The following COL5A2 variants were observed in gnomAD, a reference collection of about 807,000 sequenced individuals.
The protein encoded by COL5A2 is collagen type V alpha 2 chain.
A neutral mutation model predicts 208.2 loss-of-function variants in COL5A2; 23 were observed. That is an observed-to-expected ratio of 0.11 (90% CI 0.08 to 0.16). The LOEUF (loss-of-function observed/expected upper bound fraction) is 0.16. Ranked by LOEUF, COL5A2 falls within the 10% of genes least tolerant of loss-of-function variation. The probability of loss-of-function intolerance (pLI) is 1.00; values close to 1 mark genes in which losing one functional copy is unlikely to be tolerated. For missense variants in COL5A2, 1,590 were observed against 1,956.4 expected, an observed-to-expected ratio of 0.81 and a Z score of 3.53; for synonymous variants, 625 against 628.5, an observed-to-expected ratio of 0.99 and a Z score of 0.08.
the COL5A2 span, among the ~76,000 whole-genome samples, chr2:189,432,566 T>C: frequency 6.6e-6 from 1 of 151,814 alleles, no homozygotes; most frequent in East Asian, 1.9e-4. Flanking sequence ...AACCAACAAA[T>C]ATTAAAAGAG....
chr2:189,095,274 C>T (rs976301367), intron 6 of COL5A2: 3 of 152,020 alleles, frequency 2.0e-5, no homozygotes, highest in Admixed American at 2.0e-4. Flanking sequence ...TACATCATGC[C>T]CATCATTTCA....
At chr2:189,296,186 A>C in the COL5A2 span, among the ~76,000 whole-genome samples, 1 of 152,032 alleles carries the variant, frequency 6.6e-6, no homozygotes, top group East Asian at 1.9e-4. Flanking sequence ...TTAGCCAAAA[A>C]TTTTGCTGCT....
the COL5A2 span, among the ~76,000 whole-genome samples, chr2:189,430,973 G>C: frequency 0.028 from 4,209 of 152,272 alleles, 165 homozygotes; most frequent in East Asian, 0.17. Context: ...AAAGATTCCA[G>C]AGGAAGGATC....
chr2:189,128,647 T>A (rs1687653682), intron 1 of COL5A2, among the ~76,000 whole-genome samples: 1 of 151,970 alleles, frequency 6.6e-6, no homozygotes, highest in Non-Finnish European at 1.5e-5. Flanking sequence ...GAAACTTGTA[T>A]TTTTTAGAAG....
At chr2:189,314,802 C>T in the COL5A2 span, among the ~76,000 whole-genome samples, 9 of 152,160 alleles carry the variant, frequency 5.9e-5, no homozygotes, top group African/African-American at 2.2e-4. Flanking sequence ...ATTATGAACA[C>T]CTCTATGCAC....
At chr2:189,389,576 T>C in the COL5A2 span, among the ~76,000 whole-genome samples, 1 of 152,292 alleles carries the variant, frequency 6.6e-6, no homozygotes, top group Admixed American at 6.5e-5. Context: ...GTAGAATCAC[T>C]CCATAAATTT....
At chr2:189,122,445 G>C (rs1331942396) in intron 1 of COL5A2, among the ~76,000 whole-genome samples, 1 of 151,984 alleles carries the variant, frequency 6.6e-6, no homozygotes. Context: ...CTTCAGGAGG[G>C]GATGGTTTAA....
the COL5A2 span, among the ~76,000 whole-genome samples, chr2:189,389,751 C>A: frequency 6.6e-6 from 1 of 152,168 alleles, no homozygotes; most frequent in Non-Finnish European, 1.5e-5. Flanking sequence ...AACATGGTTT[C>A]TCTCATTAAT....
chr2:189,218,728 A>C (rs1689309502), intron 1 of COL5A2, among the ~76,000 whole-genome samples: 1 of 152,216 alleles, frequency 6.6e-6, no homozygotes, highest in Non-Finnish European at 1.5e-5. Context: ...TCTTCCAGTC[A>C]TCAGCTGTGT....
the COL5A2 span, among the ~76,000 whole-genome samples, chr2:189,292,580 C>A: frequency 6.6e-6 from 1 of 152,134 alleles, no homozygotes; most frequent in African/African-American, 2.4e-5. Flanking sequence ...GATAGAATGG[C>A]AATCATTAAA....
At chr2:189,228,128 AAC>A (rs1350892970), upstream of COL5A2, among the ~76,000 whole-genome samples, 4 of 152,004 alleles carry the variant, frequency 2.6e-5, no homozygotes, top group Non-Finnish European at 4.4e-5. Flanking sequence ...TAAAAATGAA[AAC>A]ACAACATATT....
chr2:189,252,254 A>C, the COL5A2 span, among the ~76,000 whole-genome samples: 3 of 152,188 alleles, frequency 2.0e-5, no homozygotes, highest in East Asian at 5.8e-4. Flanking sequence ...CAGCCATCCC[A>C]TTACTGGGTA....
the COL5A2 span, among the ~76,000 whole-genome samples, chr2:189,375,199 A>G: frequency 6.6e-6 from 1 of 151,848 alleles, no homozygotes; most frequent in Non-Finnish European, 1.5e-5. Flanking sequence ...TTGTATTTTT[A>G]GTAGAGATGG....
intron 1 of COL5A2, among the ~76,000 whole-genome samples, chr2:189,119,847 T>C (rs1559113081): frequency 6.6e-6 from 1 of 152,044 alleles, no homozygotes; most frequent in African/African-American, 2.4e-5. Context: ...GGACAAAAGA[T>C]TAACTAAGTT....
chr2:189,054,013 G>A (rs1401879189), intron 36 of COL5A2, 65 bp from the exon 37 acceptor site: 4 of 1,510,864 alleles, frequency 2.6e-6, no homozygotes, highest in African/African-American at 2.7e-5. Flanking sequence ...TAGGACATTG[G>A]TCACTGTGTA....
At chr2:189,250,905 C>T in the COL5A2 span, among the ~76,000 whole-genome samples, 1 of 152,142 alleles carries the variant, frequency 6.6e-6, no homozygotes, top group Non-Finnish European at 1.5e-5. Flanking sequence ...AAATCAATCA[C>T]CATGCTTTAG....
intron 6 of COL5A2, among the ~76,000 whole-genome samples, chr2:189,094,893 T>C (rs531115422): frequency 6.6e-6 from 1 of 151,526 alleles, no homozygotes; most frequent in African/African-American, 2.4e-5. Flanking sequence ...TATCTCATAC[T>C]GAACTACTGA....
At chr2:189,402,513 C>T in the COL5A2 span, among the ~76,000 whole-genome samples, 3 of 152,210 alleles carry the variant, frequency 2.0e-5, no homozygotes, top group East Asian at 5.8e-4. Flanking sequence ...CCACTGTGCC[C>T]GGCCTATAGG....
intron 1 of COL5A2, among the ~76,000 whole-genome samples, chr2:189,163,060 C>T (rs1267838963): frequency 6.6e-6 from 1 of 152,048 alleles, no homozygotes; most frequent in Non-Finnish European, 1.5e-5. Flanking sequence ...AATAAGGAAT[C>T]AAGAACAAAT....
Sources: allele counts gnomAD v4.1 joint callset (sites outside exome capture counted in the v4.1 genomes callset), GRCh38; gene constraint gnomAD v4.1.1; transcripts MANE v1.5; gene names NCBI Gene and HGNC (gene_info 2026-07-23, HGNC 2026-07-21).